TCAIM: variants seen among roughly 807,000 people sequenced by gnomAD.
The protein encoded by TCAIM is T-cell activation inhibitor, mitochondrial.
TCAIM carries 36 observed loss-of-function variants against 58.6 expected under a neutral mutation model. That is an observed-to-expected ratio of 0.61 (90% CI 0.47 to 0.81). The LOEUF (loss-of-function observed/expected upper bound fraction) is 0.81. TCAIM is among the 30% of genes least tolerant of loss of function. The pLI is 0.00. For synonymous variants in TCAIM, 172 were observed against 193.6 expected, an observed-to-expected ratio of 0.89 and a Z score of 0.93; for missense variants, 466 against 579.6, an observed-to-expected ratio of 0.80 and a Z score of 2.01.
intron 5 of TCAIM, among the ~76,000 whole-genome samples, chr3:44,386,452 C>T (rs572262108): frequency 1.3e-5 from 2 of 152,206 alleles, no homozygotes; most frequent in South Asian, 4.1e-4. Context: ...AGGAGCCCCA[C>T]CTCCTACTGA....
At chr3:44,378,929 TG>T (rs1421897270) in intron 5 of TCAIM, among the ~76,000 whole-genome samples, 1 of 151,802 alleles carries the variant, frequency 6.6e-6, no homozygotes, top group Non-Finnish European at 1.5e-5. Flanking sequence ...GAGGCCAAAG[TG>T]GGGAGATTGC....
At chr3:44,369,107 A>T (rs1701424301) in intron 5 of TCAIM, among the ~76,000 whole-genome samples, 2 of 152,198 alleles carry the variant, frequency 1.3e-5, no homozygotes. Flanking sequence ...AAAACAGAAG[A>T]GATAATTTAA....
At chr3:44,341,537 C>T (rs748290733) in intron 1 of TCAIM, 1 of 152,038 alleles carries the variant, frequency 6.6e-6, no homozygotes, top group Non-Finnish European at 1.5e-5. Context: ...TGCCTACTAC[C>T]TTGTGTTTAA....
At chr3:44,363,606 C>G (rs1701324693) in intron 4 of TCAIM, among the ~76,000 whole-genome samples, 1 of 152,132 alleles carries the variant, frequency 6.6e-6, no homozygotes, top group Non-Finnish European at 1.5e-5. Context: ...AGCTCCGTAT[C>G]TTTTTGGTGG....
In TCAIM at chr3:44,396,673, C is replaced by A. The variant is rs1182326316; in HGVS notation, c.794-70C>A. 3.9e-6 allele frequency: 6 copies of A among 1,525,848 alleles called. No individual in the cohort carries two copies. The East Asian group carries it at 1.4e-4, about 34-fold the overall frequency. The allele number at this position is 1,525,848 out of a possible 1,614,324, so 94.5% of individuals were successfully genotyped here. On this transcript the variant is annotated intron_variant, in intron 7 of 10. Transcript: ENST00000342649. ...TACTGAATTTAATCCTGGGTTTATA[C>A]ACTATTTGCACAATGCTGAAAGAAT...
chr3:44,403,607 C>T (rs928554262), intron 10 of TCAIM, among the ~76,000 whole-genome samples: 2 of 152,042 alleles, frequency 1.3e-5, no homozygotes, highest in Admixed American at 1.3e-4. Flanking sequence ...TCTCTATGGC[C>T]ATTATATAGC....
chr3:44,389,746 T>G (rs76406435), intron 5 of TCAIM, among the ~76,000 whole-genome samples: 1 of 147,708 alleles, frequency 6.8e-6, no homozygotes, highest in Non-Finnish European at 1.5e-5. Flanking sequence ...GTCATTGAAT[T>G]AAAAAAAAAA....
At chr3:44,380,700 T>C (rs1234517123) in intron 5 of TCAIM, among the ~76,000 whole-genome samples, 1 of 151,850 alleles carries the variant, frequency 6.6e-6, no homozygotes, top group Non-Finnish European at 1.5e-5. Context: ...AGAAAAAGGA[T>C]AGAGAAAATC....
rs113763197 is a variant in TCAIM at position 44,398,066 on chromosome 3, C to A, written c.885+1232C>A. Among the ~76,000 whole-genome samples the A allele has an allele frequency of 2.6e-3, 397 of 151,060 alleles. 5 individuals are homozygous for A. The highest frequency in any genetic ancestry group is 9.3e-3 in the African/African-American group (384 of 41,208). ...GGGCTACTAGAAAAACCAATCCAAC[C>A]AAAAACGGTGACATGAAATGACATG... On this transcript the variant is annotated intron_variant, in intron 8 of 10. Coordinates refer to ENST00000342649, the MANE Select transcript of TCAIM (RefSeq NM_173826.4).
At chr3:44,348,254 T>G (rs1701011278) in intron 1 of TCAIM, among the ~76,000 whole-genome samples, 1 of 152,184 alleles carries the variant, frequency 6.6e-6, no homozygotes, top group Admixed American at 6.5e-5. Context: ...TCCAGGAGGC[T>G]TCCGAGGCCA....
At chr3:44,381,892 A>G (rs1315832843) in intron 5 of TCAIM, among the ~76,000 whole-genome samples, 1 of 152,224 alleles carries the variant, frequency 6.6e-6, no homozygotes, top group Non-Finnish European at 1.5e-5. Context: ...AGCATCAGAA[A>G]AGATAAAATG....
intron 5 of TCAIM, among the ~76,000 whole-genome samples, chr3:44,390,690 G>A (rs1348976404): frequency 6.6e-6 from 1 of 152,078 alleles, no homozygotes; most frequent in Non-Finnish European, 1.5e-5. Context: ...AGAAAAAATG[G>A]CCAGGCATGG....
intron 8 of TCAIM, among the ~76,000 whole-genome samples, chr3:44,399,636 C>T (rs956170510): frequency 1.3e-5 from 2 of 152,122 alleles, no homozygotes; most frequent in Admixed American, 1.3e-4. Flanking sequence ...TTTCATGGTT[C>T]CATATTTGCA....
At position 44,357,860 on chromosome 3, in the gene TCAIM, A is replaced by G. The variant is rs1008392504; in HGVS notation, c.149A>G (p.Gln50Arg). The G allele has an allele frequency of 7.4e-6, 12 of 1,613,916 alleles. No homozygotes were observed. The African/African-American group carries it at 1.5e-4, about 20-fold the overall frequency. ...GCAGTACATCCAGATTTCTTTGGAC[A>G]GCACCCCGTAGAAAGGGTAAACATT... ...YFAVHPDFFG[Q>R]HPVEREINEN... The change falls in exon 3 of 11, where the codon CAG (glutamine) becomes CGG (arginine). Residue 50 changes from glutamine (Q) to arginine (R), a missense_variant. Gln to Arg is a conservative substitution (Grantham distance 43). Coordinates refer to ENST00000342649, the MANE Select transcript of TCAIM (RefSeq NM_173826.4).
chr3:44,405,078 G>A (rs1376351629), intron 10 of TCAIM, among the ~76,000 whole-genome samples: 1 of 152,072 alleles, frequency 6.6e-6, no homozygotes, highest in African/African-American at 2.4e-5. Context: ...TGCCTGGCTG[G>A]CATATAGACA....
At position 44,408,429 on chromosome 3, in the gene TCAIM, G is replaced by A. The variant is rs1024831976; in HGVS notation, c.*747G>A. Reference sequence around the variant, plus strand: ...AGAAAGACTAGAAGGACTAAAAGCAGTTGAATGTATGGTACTGACATTGTC... The same window carrying A: ...AGAAAGACTAGAAGGACTAAAAGCAATTGAATGTATGGTACTGACATTGTC... On this transcript the variant is annotated 3_prime_UTR_variant, in exon 11 of 11. Coordinates refer to ENST00000342649, the MANE Select transcript of TCAIM (RefSeq NM_173826.4). 2.6e-5 allele frequency: 4 copies of A among 152,186 alleles called. No individual in the cohort carries two copies. Among genetic ancestry groups the A allele is most frequent in the African/African-American group, 9.7e-5 (4 of 41,438 alleles). 9.4% of individuals were successfully genotyped at this position (152,186 alleles called of 1,614,324 possible). A position where few individuals can be genotyped will look rare whatever the true frequency, so the allele number is the denominator to read the frequency against.
At chr3:44,385,735 TC>T (rs1701728835) in intron 5 of TCAIM, among the ~76,000 whole-genome samples, 2 of 150,822 alleles carry the variant, frequency 1.3e-5, no homozygotes, top group Non-Finnish European at 3.0e-5. Flanking sequence ...AGAGTGAGAC[TC>T]CTTCTCAAAA....
At chr3:44,345,924 A>G (rs1395056014) in intron 1 of TCAIM, among the ~76,000 whole-genome samples, 1 of 152,146 alleles carries the variant, frequency 6.6e-6, no homozygotes, top group African/African-American at 2.4e-5. Flanking sequence ...AGAATGGTGA[A>G]TAGGAGTATG....
At chr3:44,386,580 A>G (rs894309062) in intron 5 of TCAIM, among the ~76,000 whole-genome samples, 2 of 152,232 alleles carry the variant, frequency 1.3e-5, no homozygotes, top group Non-Finnish European at 2.9e-5. Flanking sequence ...CTGTCAGCTC[A>G]GAAGCACCTG....
Sources: gnomAD v4.1 joint callset for allele counts (sites outside exome capture counted in the v4.1 genomes callset) on GRCh38, gnomAD v4.1.1 for gene constraint, MANE v1.5 for transcripts, NCBI Gene and HGNC (gene_info 2026-07-23, HGNC 2026-07-21) for gene names.